CEP250: variants seen among roughly 807,000 people sequenced by gnomAD.
CEP250 encodes centrosome-associated protein CEP250.
Under a neutral mutation model 315.7 loss-of-function variants are expected in CEP250, and 242 were observed. The observed-to-expected ratio is 0.77, with a 90% CI of 0.69 to 0.85. The LOEUF is 0.85. Ranked by LOEUF, CEP250 falls within the 40% of genes least tolerant of loss-of-function variation. The pLI is 0.00. For synonymous variants in CEP250, 1,088 were observed against 1,175.0 expected (o/e 0.93, Z 1.51); for missense variants, 2,515 against 2,886.4 (o/e 0.87, Z 2.95).
At chr20:35,468,869 G>A (rs2062956440) in intron 9 of CEP250, among the ~76,000 whole-genome samples, 1 of 152,012 alleles carries the variant, frequency 6.6e-6, no homozygotes, top group Non-Finnish European at 1.5e-5. Flanking sequence ...TAGAGACGGG[G>A]TCTCACTATG....
chr20:35,506,807 T>C (rs553206019), intron 30 of CEP250, among the ~76,000 whole-genome samples: 1 of 152,284 alleles, frequency 6.6e-6, no homozygotes, highest in East Asian at 1.9e-4. Context: ...TGGTATGACA[T>C]GGCATGATAT....
intron 17 of CEP250, 116 bp downstream of exon 17, chr20:35,478,217 C>T (rs897492488): frequency 2.8e-6 from 2 of 714,616 alleles, no homozygotes; most frequent in African/African-American, 3.6e-5. Flanking sequence ...CTAGAAATGA[C>T]CAGTGTTACT....
intron 7 of CEP250, among the ~76,000 whole-genome samples, chr20:35,466,693 G>T (rs1188185085): frequency 6.6e-6 from 1 of 152,108 alleles, no homozygotes; most frequent in African/African-American, 2.4e-5. Flanking sequence ...AAAGTCTGTG[G>T]TAATAGATCC....
Position 35,467,417 on chromosome 20 carries a change from T to C in CEP250, c.713T>C (p.Met238Thr). Residue 238 changes from methionine (M) to threonine (T), a missense_variant, in exon 9 of 35, where the codon ATG (methionine) becomes ACG (threonine). Coordinates refer to ENST00000397527, the MANE Select transcript of CEP250 (RefSeq NM_007186.6). ...QSREPNGSGRMDGREPAQLLL... is the reference protein window; with the variant it reads ...QSREPNGSGRTDGREPAQLLL... Reference sequence around the variant, plus strand: ...CGGGAACCCAACGGATCTGGAAGAATGGATGGGCGGGAGCCGGCCCAGCTG... The same window carrying C: ...CGGGAACCCAACGGATCTGGAAGAACGGATGGGCGGGAGCCGGCCCAGCTG... 1.2e-6 allele frequency: 2 copies of C among 1,614,134 alleles called. No individual in the cohort carries two copies. Among genetic ancestry groups the C allele is most frequent in the Non-Finnish European group, 1.7e-6 (2 of 1,180,014 alleles).
At chr20:35,483,716 G>A (rs560619214) in intron 20 of CEP250, among the ~76,000 whole-genome samples, 1 of 151,942 alleles carries the variant, frequency 6.6e-6, no homozygotes, top group South Asian at 2.1e-4. Flanking sequence ...TTAGTTGTAT[G>A]TCAGACCTTT....
At chr20:35,457,361 G>A (rs977396254) in intron 1 of CEP250, among the ~76,000 whole-genome samples, 2 of 152,018 alleles carry the variant, frequency 1.3e-5, no homozygotes, top group African/African-American at 4.8e-5. Context: ...GTTATGTGGA[G>A]AGGTGATAGT....
At chr20:35,472,866 G>C (rs757198967) in intron 12 of CEP250, 35 bp downstream of exon 12, 10 of 1,611,528 alleles carry the variant, frequency 6.2e-6, no homozygotes, top group African/African-American at 2.7e-5. Context: ...CAGTCACAGG[G>C]GTTTGTGTCT....
intron 20 of CEP250, 110 bp from the exon 21 acceptor site, chr20:35,490,527 C>T (rs771820397): frequency 4.2e-6 from 4 of 953,934 alleles, no homozygotes; most frequent in Non-Finnish European, 6.1e-6. Context: ...AGAGAGGTAC[C>T]AAGGTCACCC....
chr20:35,491,310 G>A lies in CEP250; in HGVS notation c.2853G>A (p.Leu951=), dbSNP rs374123244. The part of the protein sequence containing the change: ...LADASQQLER[L]RQDMKVQKLK... ...ATGCCAGCCAACAACTGGAACGACT[G>A]AGGCAGGACATGAAAGTCCAGAAAT... The change falls in exon 22 of 35, where the codon CTG becomes CTA. Residue 951 remains leucine (L), a synonymous_variant. Transcript: ENST00000397527. The A allele has an allele frequency of 1.2e-6, 2 of 1,601,266 alleles. No homozygotes were observed. Among genetic ancestry groups the A allele is most frequent in the Non-Finnish European group, 1.7e-6 (2 of 1,173,440 alleles).
At chr20:35,457,381 A>G (rs1226992334) in intron 1 of CEP250, among the ~76,000 whole-genome samples, 2 of 151,960 alleles carry the variant, frequency 1.3e-5, no homozygotes, top group African/African-American at 4.8e-5. Context: ...TATTTTATTT[A>G]TTTATTTATT....
rs2064453612 is a variant in CEP250, at chr20:35,518,516, TTTAA to T, written c.*6894_*6897del. 6.6e-6 allele frequency: 1 copy of T among 152,202 alleles called. No homozygotes were observed. Among genetic ancestry groups the T allele is most frequent in the African/African-American group, 2.4e-5 (1 of 41,446 alleles). The allele number at this position is 152,202 out of a possible 1,614,324, so 9.4% of individuals were successfully genotyped here. A position where few individuals can be genotyped will look rare whatever the true frequency, so the allele number is the denominator to read the frequency against. On this transcript the variant is annotated 3_prime_UTR_variant, in exon 35 of 35. Transcript: ENST00000397527. ...GATAAATGCTCCCTCAACACACACCTTTAATTACCAATTTTCAGAGTAAGGGGTT... is the reference window on the plus strand; with the variant it reads ...GATAAATGCTCCCTCAACACACACCTTTACCAATTTTCAGAGTAAGGGGTT...
At chr20:35,490,951 G>A in intron 21 of CEP250, 147 bp downstream of exon 21, 10 of 956,918 alleles carry the variant, frequency 1.0e-5, no homozygotes, top group Non-Finnish European at 1.5e-5. Flanking sequence ...GAGCAGGGTG[G>A]TCCGCACCAT....
chr20:35,509,307 G>A (rs224381), intron 33 of CEP250, among the ~76,000 whole-genome samples: 94,478 of 152,102 alleles, frequency 0.62, 32,026 homozygotes, highest in Non-Finnish European at 0.76. Flanking sequence ...AGTGCCACAG[G>A]CTGGCCCGGG....
chr20:35,491,985 A>G (rs1406886319), intron 22 of CEP250, among the ~76,000 whole-genome samples: 2 of 151,752 alleles, frequency 1.3e-5, no homozygotes, highest in Non-Finnish European at 1.5e-5. Context: ...TTCCTGTGGC[A>G]GAAATGGATG....
At chr20:35,467,122 C>T (rs1167457679) in intron 8 of CEP250, 50 bp downstream of exon 8, 3 of 1,213,848 alleles carry the variant, frequency 2.5e-6, no homozygotes, top group Non-Finnish European at 3.4e-6. Flanking sequence ...CAATTCTGGA[C>T]TAATAACAGT....
chr20:35,471,136 A>C (rs1454318626), intron 10 of CEP250, among the ~76,000 whole-genome samples: 4 of 152,196 alleles, frequency 2.6e-5, no homozygotes, highest in African/African-American at 9.7e-5. Context: ...TTGCCAATTC[A>C]GAATATCCAT....
chr20:35,494,506 A>C lies in CEP250; in HGVS notation c.3034-18A>C, dbSNP rs2063782160. 6.2e-7 allele frequency: 1 copy of C among 1,613,116 alleles called. No homozygotes were observed. On this transcript the variant is annotated intron_variant, in intron 23 of 34. Transcript: ENST00000397527. ...CCCCTGCCCTGCCATCTTGGTCTTC[A>C]TGCCCTTAATTTTCCAGGTGGAGGA...
At chr20:35,511,043 A>G (rs1253334330) in intron 34 of CEP250, among the ~76,000 whole-genome samples, 1 of 152,170 alleles carries the variant, frequency 6.6e-6, no homozygotes, top group Non-Finnish European at 1.5e-5. Context: ...TATTGTTATC[A>G]GCCTCATCAA....
chr20:35,473,968 T>G lies in CEP250; in HGVS notation c.1487T>G (p.Leu496Arg), dbSNP rs775435365. The G allele has an allele frequency of 6.2e-7, 1 of 1,609,732 alleles. No homozygotes were observed. ...CGCCTGCGAAGGGTAAATGTGGAGC[T>G]TCAGCTGCAGGGGGACTCTGCCCAG... ...AWRLRRVNVELQLQGDSAQGQ... is the reference protein window; with the variant it reads ...AWRLRRVNVERQLQGDSAQGQ... Residue 496 changes from leucine to arginine, a missense_variant, in exon 14 of 35, where the codon CTT (leucine) becomes CGT (arginine). Physicochemically the swap from Leu to Arg is moderately radical, Grantham distance 102. Coordinates refer to ENST00000397527, the MANE Select transcript of CEP250 (RefSeq NM_007186.6).
Sources: allele counts gnomAD v4.1 joint callset (sites outside exome capture counted in the v4.1 genomes callset), GRCh38; gene constraint gnomAD v4.1.1; transcripts MANE v1.5; gene names NCBI Gene and HGNC (gene_info 2026-07-23, HGNC 2026-07-21).